The following CAMTA2 variants were observed in gnomAD, a reference collection of about 807,000 sequenced individuals.
CAMTA2 encodes the protein calmodulin binding transcription activator 2, also known as calmodulin-binding transcription activator 2.
In CAMTA2, 56 loss-of-function variants were observed where a neutral mutation model predicts 135.7. The observed-to-expected ratio is 0.41, with a 90% CI of 0.33 to 0.52. The LOEUF (loss-of-function observed/expected upper bound fraction) is 0.52. CAMTA2 is among the 20% of genes least tolerant of loss of function. The pLI is 0.16. For missense variants in CAMTA2, 1,358 were observed against 1,553.4 expected (o/e 0.87, Z 2.11); for synonymous variants, 591 against 604.6 (o/e 0.98, Z 0.33).
intron 3 of CAMTA2, among the ~76,000 whole-genome samples, chr17:4,985,222 T>C (rs907323855): frequency 6.6e-6 from 1 of 152,186 alleles, no homozygotes; most frequent in Non-Finnish European, 1.5e-5. Context: ...AGATAAACTA[T>C]GAGGTAAATC....
chr17:4,979,749 T>C lies in CAMTA2; in HGVS notation c.1573A>G (p.Thr525Ala). The C allele has an allele frequency of 6.2e-7, 1 of 1,611,752 alleles. No individual in the cohort carries two copies. Among genetic ancestry groups the C allele is most frequent in the Non-Finnish European group, 8.5e-7 (1 of 1,179,376 alleles). The change falls in exon 9 of 23, where the codon ACC (threonine) becomes GCC (alanine). Residue 525 changes from threonine (T) to alanine (A), a missense_variant. By Grantham distance (58) the Thr-to-Ala change is moderately conservative (BLOSUM62 0). Around this residue, in one of 4 missense-constraint regions of CAMTA2, gnomAD observed 1,077 missense variants for 1,127.5 expected, o/e 0.96. Coordinates refer to ENST00000348066, the MANE Select transcript of CAMTA2 (RefSeq NM_015099.4). The stretch of plus-strand genomic sequence containing the variant: ...CTAAGAGCAGGAGACAGCTGGGGGG[T>C]CGGAGCAGGGATGCTTGGAGCTTCG... ...SDEAPSIPAP[T>A]PQLSPALSTI...
rs750937892 is a variant in CAMTA2 at position 4,969,584 on chromosome 17, G to A, written c.3261+46C>T. 6.2e-7 allele frequency: 1 copy of A among 1,613,494 alleles called. No individual in the cohort carries two copies. Among genetic ancestry groups the A allele is most frequent in the Admixed American group, 1.7e-5 (1 of 60,008 alleles). ...TTCTGGAATGGTTAGGCGTGGGTGTGGGTTGGTGGGTTGCTGGTTACACTT... is the reference window on the plus strand; with the variant it reads ...TTCTGGAATGGTTAGGCGTGGGTGTAGGTTGGTGGGTTGCTGGTTACACTT... On this transcript the variant is annotated intron_variant, in intron 19 of 22. Transcript: ENST00000348066. The surrounding 1 kb of genome is among the most constrained non-coding windows in gnomAD (Gnocchi z 5.6).
In CAMTA2 at chr17:4,980,719, A is replaced by G. The variant is rs900789068; in HGVS notation, c.701-98T>C. On this transcript the variant is annotated intron_variant, in intron 8 of 22. Coordinates refer to ENST00000348066, the MANE Select transcript of CAMTA2 (RefSeq NM_015099.4). This position sits in a 1 kb window ranked among gnomAD's most constrained non-coding sequence, Gnocchi z 5.3. ...TAAAAGTATTTCCTGGGACGTCCCTATAAACCAGAGGTGTAATACTGATTG... is the reference window on the plus strand; with the variant it reads ...TAAAAGTATTTCCTGGGACGTCCCTGTAAACCAGAGGTGTAATACTGATTG... 9.1e-5 allele frequency: 84 copies of G among 927,806 alleles called. No homozygotes were observed. The highest frequency in any genetic ancestry group is 1.4e-4 in the Non-Finnish European group (81 of 581,234). 57.5% of individuals were successfully genotyped at this position (927,806 alleles called of 1,614,324 possible). A position where few individuals can be genotyped will look rare whatever the true frequency, so the allele number is the denominator to read the frequency against.
Position 4,969,306 on chromosome 17 carries a change from G to A in CAMTA2, c.3314C>T (p.Ala1105Val). The change falls in exon 21 of 23, where the codon GCC (alanine) becomes GTC (valine). Residue 1105 changes from alanine (A) to valine (V), a missense_variant. Transcript: ENST00000348066. This position sits in a 1 kb window ranked among gnomAD's most constrained non-coding sequence, Gnocchi z 5.6. ...TCGGAACTTGCTCTGGATCAGGATGGCCGCCTGGGTCATCTTCTTATAGAG... is the reference window on the plus strand; with the variant it reads ...TCGGAACTTGCTCTGGATCAGGATGACCGCCTGGGTCATCTTCTTATAGAG... ...FALYKKMTQAAILIQSKFRSY... is the reference protein window; with the variant it reads ...FALYKKMTQAVILIQSKFRSY... 1 of 1,614,050 alleles carries A rather than the reference G, an allele frequency of 6.2e-7. No homozygotes were observed. Among genetic ancestry groups the A allele is most frequent in the Non-Finnish European group, 8.5e-7 (1 of 1,180,010 alleles).
Position 4,972,901 on chromosome 17 carries a change from G to A in CAMTA2, c.2371C>T (p.Arg791Cys), listed in dbSNP as rs1238168142. The A allele has an allele frequency of 3.7e-6, 6 of 1,613,742 alleles. No homozygotes were observed. Among genetic ancestry groups the A allele is most frequent in the South Asian group, 1.1e-5 (1 of 91,086 alleles). ...QALSIPDSLG[R>C]LPLSVAHSRG... Reference sequence around the variant, plus strand: ...GAATGAGCCACAGACAATGGCAGACGGCCCAGAGAGTCGGGAATGCTCAGT... The same window carrying A: ...GAATGAGCCACAGACAATGGCAGACAGCCCAGAGAGTCGGGAATGCTCAGT... Residue 791 changes from arginine (R) to cysteine (C), a missense_variant, in exon 15 of 23, where the codon CGT (arginine) becomes TGT (cysteine). Arg to Cys is a radical substitution (Grantham distance 180). This residue lies in a region of CAMTA2 where 1,077 missense variants were observed against 1,127.5 expected (regional missense o/e 0.96). Coordinates refer to ENST00000348066, the MANE Select transcript of CAMTA2 (RefSeq NM_015099.4).
intron 3 of CAMTA2, chr17:4,983,865 T>C (rs915792785): frequency 6.6e-6 from 1 of 152,188 alleles, no homozygotes; most frequent in African/African-American, 2.4e-5. Context: ...ATTACAGGCA[T>C]GAGCCACCAC....
In CAMTA2 at chr17:4,972,955, C is replaced by T. The variant is rs1373626003; in HGVS notation, c.2317G>A (p.Val773Met). ...ACALGHLEAA[V>M]LLFRWNRQAL... The stretch of plus-strand genomic sequence containing the variant: ...TGTCGGTTCCAACGGAAAAGGAGCA[C>T]AGCAGCTTCCAGGTGTCCCAGGGCA... The change falls in exon 15 of 23, where the codon GTG becomes ATG. Residue 773 changes from valine to methionine, a missense_variant. Val to Met is a conservative substitution (Grantham distance 21, BLOSUM62 1). Transcript: ENST00000348066. 2 of 1,613,434 alleles carry T rather than the reference C, an allele frequency of 1.2e-6. No individual in the cohort carries two copies. Among genetic ancestry groups the T allele is most frequent in the Admixed American group, 3.3e-5 (2 of 60,032 alleles).
intron 1 of CAMTA2, 79 bp from the exon 2 acceptor site, chr17:4,986,365 A>G (rs1370125956): frequency 7.8e-6 from 5 of 639,342 alleles, no homozygotes; most frequent in Non-Finnish European, 1.4e-5. Context: ...GGGAGTGGGT[A>G]TAGAACTGGG....
intron 1 of CAMTA2, chr17:4,987,128 A>G: frequency 7.3e-7 from 1 of 1,360,750 alleles, no homozygotes; most frequent in Non-Finnish European, 9.4e-7. Context: ...ACTCCGCCCC[A>G]GGGCGCAGGT....
At chr17:4,973,384 C>A in intron 13 of CAMTA2, 131 bp from the exon 14 acceptor site, 1 of 878,476 alleles carries the variant, frequency 1.1e-6, no homozygotes, top group Non-Finnish European at 1.9e-6. Flanking sequence ...AGGACACTAG[C>A]TTAAGGAGGT....
In CAMTA2 at chr17:4,980,436, A is replaced by G; in HGVS notation, c.886T>C (p.Ser296Pro). The change falls in exon 9 of 23, where the codon TCC becomes CCC. Residue 296 changes from serine to proline, a missense_variant. Around this residue, in one of 4 missense-constraint regions of CAMTA2, gnomAD observed 1,077 missense variants for 1,127.5 expected, o/e 0.96. Coordinates refer to ENST00000348066, the MANE Select transcript of CAMTA2 (RefSeq NM_015099.4). The surrounding 1 kb of genome is among the most constrained non-coding windows in gnomAD (Gnocchi z 5.3). ...AHTSPSSSSS[S>P]SSSGFAEPLE... ...GGCTCTGCAAAACCTGATGAGGAGG[A>G]AGAAGAGGAAGAAGATGGGGAGGTG... 1 of 1,613,064 alleles carries G rather than the reference A, an allele frequency of 6.2e-7. No individual in the cohort carries two copies. The highest frequency in any genetic ancestry group is 8.5e-7 in the Non-Finnish European group (1 of 1,179,716).
Position 4,969,425 on chromosome 17 carries a change from G to C in CAMTA2, c.3282+75C>G, listed in dbSNP as rs775092210. On this transcript the variant is annotated intron_variant, in intron 20 of 22. Transcript: ENST00000348066. The surrounding 1 kb of genome is among the most constrained non-coding windows in gnomAD (Gnocchi z 5.6). ...GCTCACCCAAGTTAGGCTGATGCAA[G>C]ACTCTCTGTAACCCACACACTCAAG... 3.9e-5 allele frequency: 62 copies of C among 1,607,478 alleles called. No individual in the cohort carries two copies. The highest frequency in any genetic ancestry group is 5.1e-5 in the Non-Finnish European group (60 of 1,174,100).
In CAMTA2 at chr17:4,968,919, C is replaced by T. The variant is rs1972085663; in HGVS notation, c.3533G>A (p.Arg1178His). 1 of 1,613,922 alleles carries T rather than the reference C, an allele frequency of 6.2e-7. No individual in the cohort carries two copies. Among genetic ancestry groups the T allele is most frequent in the Non-Finnish European group, 8.5e-7 (1 of 1,179,986 alleles). The change falls in exon 22 of 23, where the codon CGC becomes CAC. Residue 1178 changes from arginine to histidine, a missense_variant. Physicochemically the swap from Arg to His is conservative, Grantham distance 29. Around this residue, in one of 4 missense-constraint regions of CAMTA2, gnomAD observed 167 missense variants for 207.0 expected, o/e 0.81. Coordinates refer to ENST00000348066, the MANE Select transcript of CAMTA2 (RefSeq NM_015099.4). ...AAGGGATGAGTACCTGTGTCGGCAG[C>T]GCCGCAGGAATCTCATGATCTTCCG... ...AARKIMRFLR[R>H]CRHRMRELKQ...
chr17:4,971,124 A>G (rs139085482), intron 16 of CAMTA2, among the ~76,000 whole-genome samples: 2 of 152,362 alleles, frequency 1.3e-5, no homozygotes, highest in African/African-American at 4.8e-5. Flanking sequence ...CTATCAGAGA[A>G]GTACAAGGCT....
chr17:4,970,550 G>A lies in CAMTA2; in HGVS notation c.2809-14C>T, dbSNP rs749665991. 2 of 1,603,570 alleles carry A rather than the reference G, an allele frequency of 1.2e-6. No individual in the cohort carries two copies. Among genetic ancestry groups the A allele is most frequent in the Admixed American group, 1.7e-5 (1 of 59,988 alleles). On this transcript the variant is annotated splice_polypyrimidine_tract_variant and intron_variant, in intron 16 of 22. Coordinates refer to ENST00000348066, the MANE Select transcript of CAMTA2 (RefSeq NM_015099.4). ...GATCATGTCCACCTGGAAGAAGGGA[G>A]AAGCTGAGTGAGTCCTTAGGGGCCC...
At chr17:4,974,828 G>C (rs1446464306) in intron 11 of CAMTA2, 2 of 209,548 alleles carry the variant, frequency 9.5e-6, no homozygotes, top group African/African-American at 4.7e-5. Context: ...CTTCCCCCCA[G>C]CCTTTTCCTA....
chr17:4,984,914 G>A (rs768547421), intron 3 of CAMTA2, among the ~76,000 whole-genome samples: 53 of 152,306 alleles, frequency 3.5e-4, no homozygotes, highest in Non-Finnish European at 6.0e-4. Context: ...CTACTCCGGA[G>A]GCTGAGGCAG....
rs199755091 is a variant in CAMTA2, at chr17:4,980,364, T to C, written c.958A>G (p.Arg320Gly). The change falls in exon 9 of 23, where the codon AGA (arginine) becomes GGA (glycine). Residue 320 changes from arginine (R) to glycine (G), a missense_variant. This residue lies in a region of CAMTA2 where 1,077 missense variants were observed against 1,127.5 expected (regional missense o/e 0.96). Coordinates refer to ENST00000348066, the MANE Select transcript of CAMTA2 (RefSeq NM_015099.4). The surrounding 1 kb of genome is among the most constrained non-coding windows in gnomAD (Gnocchi z 5.3). ...SPPTSRGGSS[R>G]GGTAILLLTG... is the part of the protein sequence containing the mutation. ...AGGAGGAGGATAGCAGTGCCTCCTC[T>C]TGAAGAACCCCCTCGAGAAGTGGGA... 1.9e-6 allele frequency: 3 copies of C among 1,614,074 alleles called. No homozygotes were observed. The highest frequency in any genetic ancestry group is 2.5e-6 in the Non-Finnish European group (3 of 1,179,982).
intron 1 of CAMTA2, chr17:4,986,797 T>C: frequency 1.6e-6 from 1 of 622,722 alleles, no homozygotes; most frequent in East Asian, 3.1e-5. Flanking sequence ...GAACCTAACC[T>C]ATTCTCTCCT....
Sources: gnomAD v4.1 joint callset for allele counts (sites outside exome capture counted in the v4.1 genomes callset) on GRCh38, gnomAD v4.1.1 for gene constraint, gnomAD v4.1.1 regional missense constraint, Gnocchi (gnomAD v3.1) non-coding constraint, MANE v1.5 for transcripts, NCBI Gene and HGNC (gene_info 2026-07-23, HGNC 2026-07-21) for gene names.